The following MME variants were observed in gnomAD, a reference collection of about 807,000 sequenced individuals.
The protein encoded by MME is neprilysin.
In MME, 98 loss-of-function variants were observed where a neutral mutation model predicts 113.2. The observed-to-expected ratio is 0.87, with a 90% confidence interval of 0.74 to 1.02. The LOEUF is 1.02. Ranked by LOEUF, MME falls within the 50% of genes least tolerant of loss-of-function variation. The probability of loss-of-function intolerance (pLI) is 0.00; values close to 1 mark genes in which losing one functional copy is unlikely to be tolerated. For synonymous variants in MME, 292 were observed against 300.6 expected, an observed-to-expected ratio of 0.97 and a Z score of 0.30; for missense variants, 836 against 896.0, an observed-to-expected ratio of 0.93 and a Z score of 0.86.
At chr3:155,133,827 TACTGA>T (rs1720403829) in intron 8 of MME, among the ~76,000 whole-genome samples, 1 of 147,786 alleles carries the variant, frequency 6.8e-6, no homozygotes, top group African/African-American at 2.5e-5. Context: ...AATATCAATC[TACTGA>T]GATATATCTC....
At chr3:155,039,436 G>C (rs1053305526) in intron 1 of MME, among the ~76,000 whole-genome samples, 1 of 152,088 alleles carries the variant, frequency 6.6e-6, no homozygotes, top group African/African-American at 2.4e-5. Context: ...AGACCTGTTT[G>C]GGTTAAAAAT....
intron 1 of MME, among the ~76,000 whole-genome samples, chr3:155,030,790 G>C (rs1712945074): frequency 6.6e-6 from 1 of 152,128 alleles, no homozygotes; most frequent in South Asian, 2.1e-4. Context: ...TATTTTCTAC[G>C]ATCTCAGCTT....
At chr3:155,084,125 G>C (rs1182171125) in intron 1 of MME, 33 bp from the exon 2 acceptor site, 1 of 1,529,926 alleles carries the variant, frequency 6.5e-7, no homozygotes, top group Non-Finnish European at 9.1e-7. Flanking sequence ...TTATTTATTT[G>C]TTTTTCATTA....
Position 155,180,415 on chromosome 3 carries a change from A to G in MME, c.2209A>G (p.Lys737Glu). The change falls in exon 23 of 23, where the codon AAG becomes GAG. Residue 737 changes from lysine to glutamate, a missense_variant. Lys to Glu is a moderately conservative substitution (Grantham distance 56). Transcript: ENST00000360490. ...AEFSEAFHCR[K>E]NSYMNPEKKC... ...GTTTTCAGAAGCCTTTCACTGCCGC[A>G]AGAATTCATACATGAATCCAGAAAA... The G allele has an allele frequency of 6.2e-7, 1 of 1,613,626 alleles. No homozygotes were observed. The highest frequency in any genetic ancestry group is 1.1e-5 in the South Asian group (1 of 91,076).
intron 1 of MME, among the ~76,000 whole-genome samples, chr3:155,071,530 C>T (rs989182355): frequency 6.6e-6 from 1 of 152,134 alleles, no homozygotes; most frequent in African/African-American, 2.4e-5. Context: ...GTATTTCTCC[C>T]ATCATCACAA....
In MME at chr3:155,142,281, T is replaced by A. The variant is rs1359979624; in HGVS notation, c.1139T>A (p.Val380Glu). Residue 380 changes from valine to glutamate, a missense_variant, in exon 12 of 23, where the codon GTA becomes GAA. Transcript: ENST00000360490. ...LMSWRFIMDL[V>E]SSLSRTYKES... ...TCCTGGAGATTCATAATGGATCTTG[T>A]AAGCAGCCTCAGCCGAACCTACAAG... is the stretch of plus-strand genomic sequence containing the variant. 6.2e-7 allele frequency: 1 copy of A among 1,613,674 alleles called. No homozygotes were observed. Among genetic ancestry groups the A allele is most frequent in the Non-Finnish European group, 8.5e-7 (1 of 1,179,704 alleles).
upstream of MME, among the ~76,000 whole-genome samples, chr3:155,078,672 TG>T (rs1384726192): frequency 1.3e-5 from 2 of 151,380 alleles, no homozygotes; most frequent in African/African-American, 4.9e-5. Context: ...TGTGTGTGTG[TG>T]TGTGTGTGTG....
intron 15 of MME, among the ~76,000 whole-genome samples, chr3:155,147,808 G>A (rs1201732279): frequency 1.3e-5 from 2 of 152,188 alleles, no homozygotes; most frequent in African/African-American, 2.4e-5. Context: ...TGATGACAGC[G>A]AGGTGATCCT....
At chr3:155,080,151 G>A (rs1320427685), upstream of MME, 2 of 152,398 alleles carry the variant, frequency 1.3e-5, no homozygotes, top group Non-Finnish European at 2.9e-5. Context: ...CCGCAGCTAA[G>A]GTCCAGCGCG....
chr3:155,180,676 C>T lies in MME; in HGVS notation c.*217C>T. 1 of 553,462 alleles carries T rather than the reference C, an allele frequency of 1.8e-6. No individual in the cohort carries two copies. The allele number at this position is 553,462 out of a possible 1,614,324, so 34.3% of individuals were successfully genotyped here. On this transcript the variant is annotated 3_prime_UTR_variant, in exon 23 of 23. Coordinates refer to ENST00000360490, the MANE Select transcript of MME (RefSeq NM_007289.4). ...AAGGTCTATCAAGTCAATCATTTCT[C>T]ACTGTGTACATAATGCTTAATTTCT... is the stretch of plus-strand genomic sequence containing the variant.
At chr3:155,134,563 T>C (rs540640680) in intron 8 of MME, among the ~76,000 whole-genome samples, 13 of 152,288 alleles carry the variant, frequency 8.5e-5, no homozygotes, top group African/African-American at 3.1e-4. Flanking sequence ...AGGTTGATTC[T>C]ACGTTTTTGC....
At chr3:155,061,198 A>G (rs959370646) in intron 1 of MME, among the ~76,000 whole-genome samples, 3 of 152,308 alleles carry the variant, frequency 2.0e-5, no homozygotes, top group Middle Eastern at 3.4e-3. Context: ...CACGCCTGTA[A>G]TCCCAGCACT....
At chr3:155,047,646 T>C (rs1425881107) in intron 1 of MME, among the ~76,000 whole-genome samples, 4 of 152,212 alleles carry the variant, frequency 2.6e-5, no homozygotes, top group African/African-American at 9.6e-5. Flanking sequence ...AAGTATCTGA[T>C]AGTTCCAATA....
intron 17 of MME, among the ~76,000 whole-genome samples, chr3:155,162,211 C>T (rs73012339): frequency 2.6e-5 from 4 of 152,166 alleles, no homozygotes; most frequent in African/African-American, 4.8e-5. Context: ...TCCTTCAGCC[C>T]TTCTCTAGAG....
chr3:155,083,966 C>A (rs1191131429), intron 1 of MME, 192 bp from the exon 2 acceptor site: 12 of 571,760 alleles, frequency 2.1e-5, no homozygotes, highest in East Asian at 1.5e-4. Flanking sequence ...AAGGTTGTGA[C>A]TGAGACCTGT....
chr3:155,081,237 A>G (rs1296068332), intron 1 of MME: 1 of 152,244 alleles, frequency 6.6e-6, no homozygotes, highest in African/African-American at 2.4e-5. Flanking sequence ...AGTGAAGATG[A>G]AAACTGCTTA....
At chr3:155,063,393 T>C (rs1283018388) in intron 1 of MME, among the ~76,000 whole-genome samples, 3 of 110,124 alleles carry the variant, frequency 2.7e-5, no homozygotes, top group African/African-American at 1.1e-4. Flanking sequence ...ATATATTTCA[T>C]ATATATTTTA....
At chr3:155,111,313 C>T (rs1453774667) in intron 3 of MME, among the ~76,000 whole-genome samples, 1 of 151,982 alleles carries the variant, frequency 6.6e-6, no homozygotes, top group Non-Finnish European at 1.5e-5. Context: ...GGCCCATGGC[C>T]CCAAAATATT....
rs181796652 is a variant in MME at position 155,046,804 on chromosome 3, T to A, written c.-11+22480T>A. ...TGTGTGTTAATTTTTAACAAAAAAG[T>A]TTAAAAAGTAAAAATAAGTAAACAG... On this transcript the variant is annotated intron_variant, in intron 1 of 22. Transcript: ENST00000492661. 2.0e-5 allele frequency among the ~76,000 whole-genome samples: 3 copies of A among 152,296 alleles called. No homozygotes were observed. The East Asian group carries it at 5.8e-4, about 29-fold the overall frequency.
Sources: allele counts gnomAD v4.1 joint callset (sites outside exome capture counted in the v4.1 genomes callset), GRCh38; gene constraint gnomAD v4.1.1; transcripts MANE v1.5; gene names NCBI Gene and HGNC (gene_info 2026-07-23, HGNC 2026-07-21).